The following MGLL variants were observed in gnomAD, a reference collection of about 807,000 sequenced individuals.
MGLL encodes lysophospholipase homolog.
In MGLL, 7 loss-of-function variants were observed where a neutral mutation model predicts 29.1. That is an observed-to-expected ratio of 0.24 (90% CI 0.14 to 0.45). MGLL has a LOEUF of 0.45. Ranked by LOEUF, MGLL falls within the 20% of genes least tolerant of loss-of-function variation. MGLL has a pLI of 0.99. For missense variants in MGLL, 356 were observed against 413.6 expected (o/e 0.86, Z 1.21); for synonymous variants, 148 against 168.3 (o/e 0.88, Z 0.93).
chr3:127,694,269 G>GA (rs61437030), intron 7 of MGLL, among the ~76,000 whole-genome samples: 1,504 of 67,466 alleles, frequency 0.022, 54 homozygotes, highest in South Asian at 0.055. Context: ...TACTCTGTCT[G>GA]AAAAAAAAAA....
intron 3 of MGLL, among the ~76,000 whole-genome samples, chr3:127,754,250 C>G (rs537997484): frequency 6.6e-6 from 1 of 152,338 alleles, no homozygotes; most frequent in South Asian, 2.1e-4. Context: ...AGCTCACTCC[C>G]AGTTCCCCTG....
chr3:127,775,745 G>T (rs112056796), intron 3 of MGLL, among the ~76,000 whole-genome samples: 1 of 152,226 alleles, frequency 6.6e-6, no homozygotes, highest in Non-Finnish European at 1.5e-5. Flanking sequence ...CCGAGAGTGC[G>T]TGTTAGGAAG....
chr3:127,752,007 A>G (rs2076568119), intron 3 of MGLL, among the ~76,000 whole-genome samples: 1 of 152,146 alleles, frequency 6.6e-6, no homozygotes, highest in Non-Finnish European at 1.5e-5. Context: ...ACATGTACGC[A>G]GTCTCACTAT....
chr3:127,749,768 C>G (rs77587514), intron 3 of MGLL, among the ~76,000 whole-genome samples: 4,409 of 152,126 alleles, frequency 0.029, 278 homozygotes, highest in East Asian at 0.27. Flanking sequence ...CTGGAGGGAG[C>G]GGGTATGTGG....
intron 3 of MGLL, among the ~76,000 whole-genome samples, chr3:127,726,594 A>G (rs1195736884): frequency 6.6e-6 from 1 of 151,852 alleles, no homozygotes; most frequent in Non-Finnish European, 1.5e-5. Flanking sequence ...ATGCCCAGCT[A>G]ATTTTTTTCT....
At chr3:127,714,760 C>T (rs928767676) in intron 5 of MGLL, among the ~76,000 whole-genome samples, 6 of 152,124 alleles carry the variant, frequency 3.9e-5, no homozygotes, top group Admixed American at 2.6e-4. Flanking sequence ...GGAGGGGACC[C>T]GGGTGGATAC....
chr3:127,732,512 T>G (rs576137762), intron 3 of MGLL, among the ~76,000 whole-genome samples: 9 of 152,302 alleles, frequency 5.9e-5, no homozygotes, highest in African/African-American at 2.2e-4. Flanking sequence ...AAGAAAAGCC[T>G]TCTTAACAAG....
chr3:127,726,190 A>AAAGAAAGAAAAG lies in MGLL; in HGVS notation c.263-3625_263-3624insCTTTTCTTTCTT, dbSNP rs1553758469. 4.6e-3 allele frequency among the ~76,000 whole-genome samples: 342 copies of AAAGAAAGAAAAG among 74,244 alleles called. 3 individuals are homozygous for AAAGAAAGAAAAG. Among genetic ancestry groups the AAAGAAAGAAAAG allele is most frequent in the Middle Eastern group, 0.02 (2 of 100 alleles). 48.7% of individuals were successfully genotyped at this position (74,244 alleles called of 152,430 possible). On this transcript the variant is annotated intron_variant, in intron 3 of 7. Coordinates refer to ENST00000265052, the MANE Select transcript of MGLL (RefSeq NM_007283.7). ...AAAGAAAGAAAGAAAGAAAGAAAAG[A>AAAGAAAGAAAAG]AAAGAAAGAAAGAAAGACAGAAGGA...
intron 3 of MGLL, chr3:127,735,777 G>A (rs2076231398): frequency 3.8e-6 from 6 of 1,598,254 alleles, no homozygotes; most frequent in Admixed American, 1.7e-5. Flanking sequence ...TATGGTTTCA[G>A]AGGAGAAAAA....
chr3:127,759,933 C>T (rs1397946254), intron 3 of MGLL, among the ~76,000 whole-genome samples: 7 of 152,176 alleles, frequency 4.6e-5, no homozygotes, highest in Admixed American at 1.3e-4. Context: ...CTGAATGATC[C>T]AGCACTTCTC....
chr3:127,772,359 T>G (rs2107696250), intron 3 of MGLL, among the ~76,000 whole-genome samples: 1 of 152,342 alleles, frequency 6.6e-6, no homozygotes, highest in South Asian at 2.1e-4. Flanking sequence ...TTAGCCCATT[T>G]TACAGATGAG....
intron 2 of MGLL, among the ~76,000 whole-genome samples, chr3:127,817,372 T>C (rs1312973388): frequency 6.6e-6 from 1 of 151,878 alleles, no homozygotes; most frequent in Non-Finnish European, 1.5e-5. Context: ...CCAGTTTTTA[T>C]CATCATAACA....
intron 3 of MGLL, among the ~76,000 whole-genome samples, chr3:127,736,902 C>T (rs1359997210): frequency 2.6e-5 from 4 of 152,250 alleles, no homozygotes; most frequent in South Asian, 2.1e-4. Context: ...ACCTTGTTGG[C>T]CAGGCTGGTC....
At chr3:127,805,245 G>A (rs1322640126) in intron 2 of MGLL, among the ~76,000 whole-genome samples, 1 of 152,236 alleles carries the variant, frequency 6.6e-6, no homozygotes, top group Non-Finnish European at 1.5e-5. Context: ...TCTGGGTGGT[G>A]AAATGCCAAA....
intron 2 of MGLL, among the ~76,000 whole-genome samples, chr3:127,803,234 C>T (rs1328469385): frequency 6.6e-6 from 1 of 152,214 alleles, no homozygotes; most frequent in Non-Finnish European, 1.5e-5. Context: ...CCTGCCTCAG[C>T]CTGCCAAAGT....
chr3:127,747,903 G>T (rs1288685092), intron 3 of MGLL, among the ~76,000 whole-genome samples: 1 of 152,158 alleles, frequency 6.6e-6, no homozygotes, highest in African/African-American at 2.4e-5. Context: ...TAGGGAAGGG[G>T]GGTCCTCCCA....
intron 5 of MGLL, among the ~76,000 whole-genome samples, chr3:127,717,644 C>T (rs1316773806): frequency 6.6e-6 from 1 of 152,162 alleles, no homozygotes; most frequent in African/African-American, 2.4e-5. Flanking sequence ...ACCTTGGCAA[C>T]AGGGAGAGGT....
At chr3:127,705,358 T>C (rs1477578926) in intron 6 of MGLL, among the ~76,000 whole-genome samples, 1 of 151,636 alleles carries the variant, frequency 6.6e-6, no homozygotes, top group Non-Finnish European at 1.5e-5. Flanking sequence ...CTGCACATCC[T>C]GCGTATGTAT....
At chr3:127,794,396 A>G (rs2077349165) in intron 2 of MGLL, among the ~76,000 whole-genome samples, 1 of 152,140 alleles carries the variant, frequency 6.6e-6, no homozygotes, top group Non-Finnish European at 1.5e-5. Context: ...ACTATCCTCT[A>G]TTATGATGCC....
Sources: gnomAD v4.1 joint callset for allele counts (sites outside exome capture counted in the v4.1 genomes callset) on GRCh38, gnomAD v4.1.1 for gene constraint, MANE v1.5 for transcripts, NCBI Gene and HGNC (gene_info 2026-07-23, HGNC 2026-07-21) for gene names.